Variants in KCNH5 observed in about 807,000 individuals in gnomAD.
The protein encoded by KCNH5 is voltage-gated delayed rectifier potassium channel KCNH5.
KCNH5 carries 46 observed loss-of-function variants against 96.1 expected under a neutral mutation model. The observed-to-expected ratio is 0.48, with a 90% confidence interval of 0.38 to 0.61. The LOEUF is 0.61. Among genes scored for constraint, KCNH5 ranks in the 20% least tolerant of loss-of-function variants. The pLI, the probability that KCNH5 is intolerant of heterozygous loss-of-function variation, is 0.00. For synonymous variants in KCNH5, 439 were observed against 449.8 expected (o/e 0.98, Z 0.30); for missense variants, 907 against 1,225.8 (o/e 0.74, Z 3.88).
intron 7 of KCNH5, among the ~76,000 whole-genome samples, chr14:62,932,886 A>C (rs978674676): frequency 3.9e-5 from 6 of 152,196 alleles, no homozygotes; most frequent in African/African-American, 1.4e-4. Context: ...CAGACAAGCT[A>C]TCAGTTAAGT....
At chr14:62,956,404 T>C (rs1332326157) in intron 6 of KCNH5, among the ~76,000 whole-genome samples, 1 of 152,104 alleles carries the variant, frequency 6.6e-6, no homozygotes, top group Non-Finnish European at 1.5e-5. Context: ...CTGGCAGTAT[T>C]TTGTTTCCTA....
chr14:63,012,472 G>T (rs2139603246), intron 2 of KCNH5, among the ~76,000 whole-genome samples: 1 of 152,246 alleles, frequency 6.6e-6, no homozygotes, highest in Middle Eastern at 3.4e-3. Context: ...GCTGAGAATG[G>T]AAACAGAAGG....
intron 7 of KCNH5, among the ~76,000 whole-genome samples, chr14:62,908,782 A>ACTTTTTTT (rs71451284): frequency 4.6e-4 from 11 of 23,712 alleles, no homozygotes; most frequent in African/African-American, 2.0e-3. Flanking sequence ...TTTGCTTTGT[A>ACTTTTTTT]TTTTTTTTTT....
chr14:62,838,807 T>G (rs142068578), intron 8 of KCNH5, among the ~76,000 whole-genome samples: 1 of 152,268 alleles, frequency 6.6e-6, no homozygotes, highest in East Asian at 1.9e-4. Context: ...GGAATAATTA[T>G]AGTATACATG....
At chr14:62,923,217 C>T (rs1889411873) in intron 7 of KCNH5, among the ~76,000 whole-genome samples, 1 of 151,748 alleles carries the variant, frequency 6.6e-6, no homozygotes, top group Non-Finnish European at 1.5e-5. Context: ...CAATCCCATT[C>T]ACAATAGCAT....
intron 7 of KCNH5, among the ~76,000 whole-genome samples, chr14:62,919,086 T>C (rs1476242169): frequency 5.3e-5 from 8 of 152,116 alleles, no homozygotes; most frequent in African/African-American, 1.4e-4. Flanking sequence ...ACTGTAGGCA[T>C]AGAAATTGAT....
At chr14:62,899,947 A>C (rs1888892830) in intron 7 of KCNH5, among the ~76,000 whole-genome samples, 1 of 152,254 alleles carries the variant, frequency 6.6e-6, no homozygotes, top group Non-Finnish European at 1.5e-5. Flanking sequence ...CTCTGAAATC[A>C]AACTGTATCT....
Position 62,701,620 on chromosome 14 carries a change from C to T in KCNH5, c.*5888G>A, listed in dbSNP as rs1029667098. Reference sequence around the variant, plus strand: ...TAGGATTCTTCCTTTCTATGATTACCTCTGGCTCAGTTATTAGCCAAGTGA... The same window carrying T: ...TAGGATTCTTCCTTTCTATGATTACTTCTGGCTCAGTTATTAGCCAAGTGA... On this transcript the variant is annotated 3_prime_UTR_variant, in exon 11 of 11. Coordinates refer to ENST00000322893, the MANE Select transcript of KCNH5 (RefSeq NM_139318.5). 16 of 152,090 alleles carry T rather than the reference C, an allele frequency of 1.1e-4. No homozygotes were observed. Among genetic ancestry groups the T allele is most frequent in the African/African-American group, 2.4e-5 (1 of 41,442 alleles). The allele number at this position is 152,090 out of a possible 1,614,324, so 9.4% of individuals were successfully genotyped here. A position where few individuals can be genotyped will look rare whatever the true frequency, so the allele number is the denominator to read the frequency against.
chr14:62,969,299 T>C (rs1890359335), intron 6 of KCNH5, among the ~76,000 whole-genome samples: 1 of 152,174 alleles, frequency 6.6e-6, no homozygotes, highest in South Asian at 2.1e-4. Context: ...TGAATACATA[T>C]GCTGGAAAAG....
chr14:62,855,464 T>C (rs372804746), intron 7 of KCNH5, among the ~76,000 whole-genome samples: 3 of 152,208 alleles, frequency 2.0e-5, no homozygotes, highest in Non-Finnish European at 2.9e-5. Flanking sequence ...CCACATGAAC[T>C]TGAAATAAGT....
intron 4 of KCNH5, among the ~76,000 whole-genome samples, chr14:62,998,410 G>C (rs1410069896): frequency 2.0e-5 from 3 of 152,022 alleles, no homozygotes; most frequent in Non-Finnish European, 4.4e-5. Flanking sequence ...ACCAGCTTTG[G>C]GTTTTTGTGA....
At position 62,708,293 on chromosome 14, in the gene KCNH5, C is replaced by A. The variant is rs765247365; in HGVS notation, c.2182G>T (p.Asp728Tyr). ...ELRNQGSTQG[D>Y]PERNQLQVES... The stretch of plus-strand genomic sequence containing the variant: ...ACCTGGAGTTGGTTCCTCTCAGGGT[C>A]ACCCTGTGTTGAGCCCTGATTCCGC... Residue 728 changes from aspartate (D) to tyrosine (Y), a missense_variant, in exon 11 of 11, where the codon GAC becomes TAC. Physicochemically the swap from Asp to Tyr is radical, Grantham distance 160. Coordinates refer to ENST00000322893, the MANE Select transcript of KCNH5 (RefSeq NM_139318.5). The A allele has an allele frequency of 6.2e-7, 1 of 1,614,160 alleles. No homozygotes were observed. The highest frequency in any genetic ancestry group is 2.2e-5 in the East Asian group (1 of 44,860).
intron 7 of KCNH5, among the ~76,000 whole-genome samples, chr14:62,861,865 T>C (rs1015059153): frequency 2.2e-4 from 34 of 152,216 alleles, no homozygotes; most frequent in African/African-American, 7.7e-4. Context: ...ACCTTGAATT[T>C]ATAAAATGCA....
chr14:63,035,441 G>C (rs1228421112), intron 1 of KCNH5, among the ~76,000 whole-genome samples: 2 of 152,170 alleles, frequency 1.3e-5, no homozygotes, highest in Non-Finnish European at 2.9e-5. Flanking sequence ...TACACTCTAT[G>C]TAACAGGAGC....
At chr14:62,801,019 G>T (rs1886648742) in intron 9 of KCNH5, among the ~76,000 whole-genome samples, 1 of 151,346 alleles carries the variant, frequency 6.6e-6, no homozygotes, top group Non-Finnish European at 1.5e-5. Context: ...TACAAACCTT[G>T]GTATTCAGTC....
intron 10 of KCNH5, among the ~76,000 whole-genome samples, chr14:62,758,802 GA>G (rs1372810427): frequency 6.6e-6 from 1 of 152,156 alleles, no homozygotes; most frequent in East Asian, 1.9e-4. Flanking sequence ...GGTTAGTATG[GA>G]AAAAGGAGAG....
rs1884335792 is a variant in KCNH5, at chr14:62,700,777, T to C, written c.*6731A>G. On this transcript the variant is annotated 3_prime_UTR_variant, in exon 11 of 11. Transcript: ENST00000322893. ...TGGCTTCATCAGGAATCTTTCCCGC[T>C]ATAATTTGGTTGAAAAAGTTGAGGA... 6.6e-6 allele frequency: 1 copy of C among 152,170 alleles called. No individual in the cohort carries two copies. Among genetic ancestry groups the C allele is most frequent in the African/African-American group, 2.4e-5 (1 of 41,456 alleles). 9.4% of individuals were successfully genotyped at this position (152,170 alleles called of 1,614,324 possible).
chr14:62,910,351 A>G (rs542071146), intron 7 of KCNH5, among the ~76,000 whole-genome samples: 1 of 152,206 alleles, frequency 6.6e-6, no homozygotes, highest in Admixed American at 6.5e-5. Context: ...ATACTAGTAC[A>G]TATTTTACGG....
At chr14:62,786,720 G>C (rs754676592) in intron 9 of KCNH5, among the ~76,000 whole-genome samples, 4 of 152,076 alleles carry the variant, frequency 2.6e-5, no homozygotes, top group Non-Finnish European at 5.9e-5. Context: ...GTGATCATTT[G>C]ATGTCTCATT....
Sources: allele counts gnomAD v4.1 joint callset (sites outside exome capture counted in the v4.1 genomes callset), GRCh38; gene constraint gnomAD v4.1.1; transcripts MANE v1.5; gene names NCBI Gene and HGNC (gene_info 2026-07-23, HGNC 2026-07-21).